Variants in SEMA3C observed in about 807,000 individuals in gnomAD.
The protein encoded by SEMA3C is semaphorin-3C.
SEMA3C carries 47 observed loss-of-function variants against 89.4 expected under a neutral mutation model. That is an observed-to-expected ratio of 0.53 (90% CI 0.42 to 0.67). SEMA3C has a LOEUF of 0.67. Among genes scored for constraint, SEMA3C ranks in the 30% least tolerant of loss-of-function variants. The pLI is 0.00. For synonymous variants in SEMA3C, 310 were observed against 320.2 expected (o/e 0.97, Z 0.34); for missense variants, 839 against 929.1 (o/e 0.90, Z 1.26).
At chr7:80,843,747 T>C (rs1406036385) in intron 2 of SEMA3C, among the ~76,000 whole-genome samples, 1 of 152,214 alleles carries the variant, frequency 6.6e-6, no homozygotes, top group South Asian at 2.1e-4. Flanking sequence ...ATTGAATTAA[T>C]ATTAATTTGT....
intron 17 of SEMA3C, among the ~76,000 whole-genome samples, chr7:80,748,652 G>A (rs914718423): frequency 2.6e-5 from 4 of 152,020 alleles, no homozygotes; most frequent in Admixed American, 6.6e-5. Flanking sequence ...CAATACTACC[G>A]TCTTAGCACC....
chr7:80,910,719 A>G (rs1792124000), intron 2 of SEMA3C, among the ~76,000 whole-genome samples: 1 of 147,786 alleles, frequency 6.8e-6, no homozygotes, highest in Admixed American at 6.8e-5. Flanking sequence ...ATTATAGCAA[A>G]GTGATAGTTT....
intron 12 of SEMA3C, among the ~76,000 whole-genome samples, chr7:80,782,127 TTCTACTCCCTTTCCACATC>T (rs1788704903): frequency 6.6e-6 from 1 of 152,136 alleles, no homozygotes; most frequent in Non-Finnish European, 1.5e-5. Context: ...GAAGGTAAAG[TTCTACTCCCTTTCCACATC>T]TTCCCCTCTC....
At chr7:80,811,395 A>G (rs1425685731) in intron 5 of SEMA3C, among the ~76,000 whole-genome samples, 1 of 152,158 alleles carries the variant, frequency 6.6e-6, no homozygotes, top group Non-Finnish European at 1.5e-5. Context: ...GCTACTGAGA[A>G]GGAAAGTTAA....
At chr7:80,843,924 C>T (rs1305128457) in intron 2 of SEMA3C, among the ~76,000 whole-genome samples, 2 of 136,510 alleles carry the variant, frequency 1.5e-5, no homozygotes, top group Non-Finnish European at 3.2e-5. Context: ...CTACTGAGAA[C>T]ATACAAAGTA....
At chr7:80,812,831 G>T (rs1562886799) in intron 5 of SEMA3C, among the ~76,000 whole-genome samples, 1 of 152,076 alleles carries the variant, frequency 6.6e-6, no homozygotes, top group Admixed American at 6.6e-5. Flanking sequence ...CTGTCACCTG[G>T]GCTGAAGTGC....
intron 12 of SEMA3C, among the ~76,000 whole-genome samples, chr7:80,788,022 A>G (rs1168310182): frequency 6.6e-6 from 1 of 152,226 alleles, no homozygotes; most frequent in Non-Finnish European, 1.5e-5. Flanking sequence ...AAAATGAAAC[A>G]TTCAGATATG....
rs549385849 is a variant in SEMA3C, at chr7:80,910,435, C to T, written c.103+6244G>A. On this transcript the variant is annotated intron_variant, in intron 2 of 17. Transcript: ENST00000265361. ...AAATTGTTTCATGGCTAGTGCTACC[C>T]TAAAATAGCACATGGCTCAGCACTT... Among the ~76,000 whole-genome samples the T allele has an allele frequency of 7.2e-5, 11 of 152,150 alleles. 1 individual carries two copies. The South Asian group carries it at 2.3e-3, about 32-fold the overall frequency.
At chr7:80,852,143 CA>C (rs1418922547) in intron 2 of SEMA3C, among the ~76,000 whole-genome samples, 3 of 152,136 alleles carry the variant, frequency 2.0e-5, no homozygotes, top group Non-Finnish European at 2.9e-5. Flanking sequence ...CTCTTGGACA[CA>C]TTTGGTTGGA....
At chr7:80,820,054 C>CCT (rs1554373174) in intron 4 of SEMA3C, among the ~76,000 whole-genome samples, 5 of 124,126 alleles carry the variant, frequency 4.0e-5, no homozygotes, top group Non-Finnish European at 8.2e-5. Context: ...ATGTATGCTC[C>CCT]TTTTTTTTTT....
intron 10 of SEMA3C, among the ~76,000 whole-genome samples, chr7:80,800,458 G>T (rs2115658692): frequency 6.6e-6 from 1 of 152,134 alleles, no homozygotes; most frequent in East Asian, 1.9e-4. Flanking sequence ...GCTCACAAGT[G>T]CTCAAATTAT....
At chr7:80,867,741 T>C (rs1287968573) in intron 2 of SEMA3C, among the ~76,000 whole-genome samples, 2 of 141,976 alleles carry the variant, frequency 1.4e-5, no homozygotes, top group Non-Finnish European at 3.0e-5. Flanking sequence ...CACACACACA[T>C]TAACCTCTCT....
chr7:80,799,292 A>G (rs756745726), intron 10 of SEMA3C, among the ~76,000 whole-genome samples: 1 of 152,120 alleles, frequency 6.6e-6, no homozygotes, highest in Non-Finnish European at 1.5e-5. Context: ...CCATTAAAGA[A>G]AAAAAACAGC....
intron 2 of SEMA3C, among the ~76,000 whole-genome samples, chr7:80,837,378 G>C (rs182762288): frequency 1.3e-5 from 2 of 152,124 alleles, no homozygotes; most frequent in Non-Finnish European, 2.9e-5. Context: ...TTCCTAAGTC[G>C]ATATACTAGA....
chr7:80,908,226 C>T (rs995410095), intron 2 of SEMA3C, among the ~76,000 whole-genome samples: 5 of 152,194 alleles, frequency 3.3e-5, no homozygotes, highest in Non-Finnish European at 4.4e-5. Context: ...AATACTAGGA[C>T]GTTCAACTCC....
At chr7:80,895,826 CT>C (rs1436481176) in intron 2 of SEMA3C, among the ~76,000 whole-genome samples, 8 of 152,024 alleles carry the variant, frequency 5.3e-5, no homozygotes, top group African/African-American at 1.9e-4. Flanking sequence ...CAATTTAGGG[CT>C]GTCTAAAGCA....
intron 12 of SEMA3C, among the ~76,000 whole-genome samples, chr7:80,773,321 A>G (rs1286168141): frequency 6.6e-6 from 1 of 152,218 alleles, no homozygotes; most frequent in Non-Finnish European, 1.5e-5. Context: ...TTGTAAAAAT[A>G]ATGATCTTCA....
intron 5 of SEMA3C, among the ~76,000 whole-genome samples, chr7:80,811,365 G>C (rs899548873): frequency 3.3e-5 from 5 of 152,136 alleles, no homozygotes; most frequent in Admixed American, 3.3e-4. Flanking sequence ...TGGAAATATG[G>C]AATATGTTAG....
chr7:80,843,669 A>G (rs1468332670), intron 2 of SEMA3C, among the ~76,000 whole-genome samples: 1 of 152,174 alleles, frequency 6.6e-6, no homozygotes. Flanking sequence ...AAACAGGATA[A>G]TTGTACACTA....
Sources: gnomAD v4.1 joint callset for allele counts (sites outside exome capture counted in the v4.1 genomes callset) on GRCh38, gnomAD v4.1.1 for gene constraint, MANE v1.5 for transcripts, NCBI Gene and HGNC (gene_info 2026-07-23, HGNC 2026-07-21) for gene names.